The following SORCS3 variants were observed in gnomAD, a reference collection of about 807,000 sequenced individuals.
The protein encoded by SORCS3 is VPS10 domain-containing receptor SorCS3.
SORCS3 carries 57 observed loss-of-function variants against 146.3 expected under a neutral mutation model. The observed-to-expected ratio is 0.39, with a 90% confidence interval of 0.31 to 0.49. The LOEUF (loss-of-function observed/expected upper bound fraction) is 0.49. Ranked by LOEUF, SORCS3 falls within the 20% of genes least tolerant of loss-of-function variation. The pLI is 0.92. For synonymous variants in SORCS3, 653 were observed against 618.5 expected (o/e 1.06, Z -0.83); for missense variants, 1,341 against 1,575.5 (o/e 0.85, Z 2.52).
At chr10:105,083,328 G>A (rs1476901596) in intron 5 of SORCS3, among the ~76,000 whole-genome samples, 1 of 151,656 alleles carries the variant, frequency 6.6e-6, no homozygotes, top group Non-Finnish European at 1.5e-5. Flanking sequence ...CAGACATTAA[G>A]CACAGGGAGC....
At chr10:104,969,233 C>T (rs1434088076) in intron 3 of SORCS3, among the ~76,000 whole-genome samples, 1 of 151,516 alleles carries the variant, frequency 6.6e-6, no homozygotes, top group East Asian at 1.9e-4. Context: ...CTTGATGCTC[C>T]TGTGGTCAGA....
chr10:105,011,257 C>T (rs1366914911), intron 4 of SORCS3, among the ~76,000 whole-genome samples: 1 of 152,142 alleles, frequency 6.6e-6, no homozygotes, highest in Non-Finnish European at 1.5e-5. Context: ...TTTTGAGAGT[C>T]ATAAGCATTA....
intron 4 of SORCS3, among the ~76,000 whole-genome samples, chr10:104,992,826 C>T (rs972184730): frequency 1.3e-5 from 2 of 152,080 alleles, no homozygotes; most frequent in African/African-American, 2.4e-5. Flanking sequence ...CAGACTTTAC[C>T]TATGAAACCC....
chr10:105,006,140 C>T (rs980400887), intron 4 of SORCS3, among the ~76,000 whole-genome samples: 8 of 152,134 alleles, frequency 5.3e-5, no homozygotes, highest in African/African-American at 1.4e-4. Context: ...CAGGGTTTCA[C>T]CATGTTGGCA....
At chr10:105,045,037 A>AAGAAAG (rs1554871951) in intron 5 of SORCS3, among the ~76,000 whole-genome samples, 2 of 128,760 alleles carry the variant, frequency 1.6e-5, no homozygotes, top group South Asian at 5.2e-4. Flanking sequence ...AAAAAAAAAA[A>AAGAAAG]AAAAGAAAGA....
At chr10:104,880,294 A>C (rs1227431438) in intron 2 of SORCS3, among the ~76,000 whole-genome samples, 1 of 152,202 alleles carries the variant, frequency 6.6e-6, no homozygotes, top group African/African-American at 2.4e-5. Context: ...AAATACAGAG[A>C]AAAACTATTG....
intron 4 of SORCS3, among the ~76,000 whole-genome samples, chr10:104,979,863 A>G (rs2054922544): frequency 1.3e-5 from 2 of 152,206 alleles, no homozygotes; most frequent in Non-Finnish European, 2.9e-5. Flanking sequence ...TAAATTATTC[A>G]GATGTCATTA....
At chr10:104,740,025 T>G (rs2016822292) in intron 1 of SORCS3, among the ~76,000 whole-genome samples, 1 of 152,246 alleles carries the variant, frequency 6.6e-6, no homozygotes, top group Non-Finnish European at 1.5e-5. Context: ...TTAGCTGGTC[T>G]TTCCTTTTAC....
intron 14 of SORCS3, among the ~76,000 whole-genome samples, chr10:105,178,738 A>C (rs530653278): frequency 1.3e-5 from 2 of 152,308 alleles, no homozygotes; most frequent in African/African-American, 2.4e-5. Context: ...TTATGTGTGC[A>C]CATGTGTACA....
intron 4 of SORCS3, among the ~76,000 whole-genome samples, chr10:104,989,429 C>T (rs113795240): frequency 5.0e-4 from 76 of 152,188 alleles, no homozygotes; most frequent in African/African-American, 1.8e-3. Context: ...TTCAGAACTA[C>T]CTGATTTATG....
chr10:105,106,443 G>C (rs2055822419), intron 7 of SORCS3, among the ~76,000 whole-genome samples: 1 of 152,076 alleles, frequency 6.6e-6, no homozygotes, highest in Non-Finnish European at 1.5e-5. Context: ...CAACTTTATG[G>C]TCTATACCAT....
intron 6 of SORCS3, among the ~76,000 whole-genome samples, chr10:105,102,533 G>C (rs1032297507): frequency 9.2e-5 from 14 of 152,254 alleles, no homozygotes; most frequent in African/African-American, 3.4e-4. Context: ...TACTTTTGAG[G>C]GAAGAGGTTG....
At chr10:105,211,107 A>G in intron 16 of SORCS3, 30 bp from the exon 17 acceptor site, 1 of 1,495,678 alleles carries the variant, frequency 6.7e-7, no homozygotes, top group Non-Finnish European at 9.3e-7. Context: ...GTACATATAT[A>G]CTACTATGCA....
At chr10:104,716,193 A>G (rs1363659828) in intron 1 of SORCS3, among the ~76,000 whole-genome samples, 1 of 152,054 alleles carries the variant, frequency 6.6e-6, no homozygotes, top group Non-Finnish European at 1.5e-5. Context: ...CAGGTAATTT[A>G]CTTATTTATT....
intron 1 of SORCS3, among the ~76,000 whole-genome samples, chr10:104,651,940 T>C (rs1589447228): frequency 6.6e-6 from 1 of 151,948 alleles, no homozygotes; most frequent in Non-Finnish European, 1.5e-5. Flanking sequence ...CTGGTAGGAG[T>C]TGATGGATAA....
chr10:105,046,208 T>G (rs2055370518), intron 5 of SORCS3, among the ~76,000 whole-genome samples: 1 of 152,092 alleles, frequency 6.6e-6, no homozygotes, highest in African/African-American at 2.4e-5. Context: ...GACTTTTAAC[T>G]TGTGGTATGT....
chr10:104,955,605 A>G (rs938839341), intron 3 of SORCS3, among the ~76,000 whole-genome samples: 1 of 152,196 alleles, frequency 6.6e-6, no homozygotes, highest in Non-Finnish European at 1.5e-5. Flanking sequence ...AGGATTAGAT[A>G]CCTCACCCTC....
At chr10:104,731,953 G>A (rs1304234665) in intron 1 of SORCS3, among the ~76,000 whole-genome samples, 2 of 152,204 alleles carry the variant, frequency 1.3e-5, no homozygotes, top group Non-Finnish European at 2.9e-5. Flanking sequence ...AGCCCTTCCA[G>A]TAACTTGGGA....
chr10:104,796,133 G>T (rs1204247982), intron 1 of SORCS3, among the ~76,000 whole-genome samples: 1 of 152,214 alleles, frequency 6.6e-6, no homozygotes, highest in Non-Finnish European at 1.5e-5. Context: ...TCTCCCAGAC[G>T]AGTAGAGCAC....
Sources: gnomAD v4.1 joint callset for allele counts (sites outside exome capture counted in the v4.1 genomes callset) on GRCh38, gnomAD v4.1.1 for gene constraint, MANE v1.5 for transcripts, NCBI Gene and HGNC (gene_info 2026-07-23, HGNC 2026-07-21) for gene names.